VRK2: variants seen among roughly 807,000 people sequenced by gnomAD.
VRK2 encodes VRK serine/threonine kinase 2.
In VRK2, 60 loss-of-function variants were observed where a neutral mutation model predicts 57.6. The ratio of observed to expected loss-of-function variants is 1.04; its 90% CI spans 0.85 to 1.29. The LOEUF (loss-of-function observed/expected upper bound fraction) is 1.29, where lower values mean the gene tolerates loss of function less well. Ranked by LOEUF, VRK2 falls within the 50% of genes most tolerant of loss-of-function variation. The pLI, the probability that VRK2 is intolerant of heterozygous loss-of-function variation, is 0.00. For synonymous variants in VRK2, 231 were observed against 199.2 expected (o/e 1.16, Z -1.35); for missense variants, 705 against 588.1 (o/e 1.20, Z -2.06).
intron 7 of VRK2, among the ~76,000 whole-genome samples, chr2:58,114,075 A>G (rs1311275560): frequency 1.3e-5 from 2 of 152,056 alleles, no homozygotes; most frequent in East Asian, 1.9e-4. Flanking sequence ...TTGTTAGAAG[A>G]AACATTTGTC....
Position 58,158,504 on chromosome 2 carries a change from GGTA to G in VRK2, c.1183-840_1183-838del, listed in dbSNP as rs1488898439. Among the ~76,000 whole-genome samples, 14 of 152,236 alleles carry G rather than the reference GGTA, an allele frequency of 9.2e-5. No individual in the cohort carries two copies. The South Asian group carries it at 2.9e-3, about 32-fold the overall frequency. ...AGGGTGGCAGTTTAAAGGTTGAGAA[GGTA>G]GTAGCTATTCTGAGAATGATGGACA... On this transcript the variant is annotated intron_variant, in intron 12 of 12. Transcript: ENST00000340157.
chr2:58,004,536 T>C (rs1426510430), intron 1 of VRK2, among the ~76,000 whole-genome samples: 1 of 152,172 alleles, frequency 6.6e-6, no homozygotes, highest in East Asian at 1.9e-4. Flanking sequence ...TAGAGAAGTT[T>C]AAACCTGAGC....
chr2:58,100,399 T>C (rs756559625), intron 7 of VRK2, among the ~76,000 whole-genome samples: 5 of 151,978 alleles, frequency 3.3e-5, no homozygotes, highest in African/African-American at 4.8e-5. Flanking sequence ...AATAGTGTTA[T>C]ATATTTTAGC....
At chr2:58,062,053 T>C (rs990699987) in intron 2 of VRK2, among the ~76,000 whole-genome samples, 1 of 152,100 alleles carries the variant, frequency 6.6e-6, no homozygotes, top group Non-Finnish European at 1.5e-5. Flanking sequence ...ACCAAATCTA[T>C]TAGTGCTATT....
chr2:58,056,376 C>T (rs549528351), intron 2 of VRK2, among the ~76,000 whole-genome samples: 140 of 152,292 alleles, frequency 9.2e-4, no homozygotes, highest in Middle Eastern at 3.4e-3. Flanking sequence ...AAAACTGGCA[C>T]GTCCCTCTGT....
At chr2:58,045,177 A>AT (rs1333606612), upstream of VRK2, among the ~76,000 whole-genome samples, 2 of 152,212 alleles carry the variant, frequency 1.3e-5, no homozygotes, top group Non-Finnish European at 2.9e-5. Context: ...GACTAAAGGG[A>AT]TAAGAGGGTA....
chr2:58,114,308 C>T lies in VRK2; in HGVS notation c.544-8793C>T, dbSNP rs60981832. Among the ~76,000 whole-genome samples the T allele has an allele frequency of 2.7e-3, 406 of 148,748 alleles. 1 individual carries two copies. The highest frequency in any genetic ancestry group is 9.7e-3 in the African/African-American group (373 of 38,342). On this transcript the variant is annotated intron_variant, in intron 7 of 12. Transcript: ENST00000340157. ...AGTTTGGGGATAGCACCAGGAGATA[C>T]CAGCTGTGATGGCTTGGAGAAACAG...
At chr2:57,985,904 C>A (rs1424086021) in intron 1 of VRK2, among the ~76,000 whole-genome samples, 1 of 151,982 alleles carries the variant, frequency 6.6e-6, no homozygotes, top group Non-Finnish European at 1.5e-5. Flanking sequence ...TAACAATGAA[C>A]AATTGCAAAT....
At chr2:58,137,182 C>CATATATCATATATCAT in intron 10 of VRK2, among the ~76,000 whole-genome samples, 2 of 35,108 alleles carry the variant, frequency 5.7e-5, no homozygotes, top group African/African-American at 3.2e-4. Context: ...TCATATATAT[C>CATATATCATATATCAT]ATATATGATA....
chr2:58,045,256 G>A (rs1216063075), upstream of VRK2, among the ~76,000 whole-genome samples: 1 of 152,126 alleles, frequency 6.6e-6, no homozygotes, highest in Non-Finnish European at 1.5e-5. Context: ...TGCAGGTAAG[G>A]GTGCTAAGTG....
intron 12 of VRK2, among the ~76,000 whole-genome samples, chr2:58,156,579 GTTTTT>G (rs748318359): frequency 0.016 from 2,169 of 139,208 alleles, 50 homozygotes; most frequent in African/African-American, 0.068. Flanking sequence ...GGGTGGTGGT[GTTTTT>G]TTTGTTTTGT....
intron 6 of VRK2, among the ~76,000 whole-genome samples, chr2:58,089,425 C>T (rs998022402): frequency 6.6e-6 from 1 of 152,170 alleles, no homozygotes; most frequent in African/African-American, 2.4e-5. Context: ...AACTAAAATA[C>T]TTGATTTTTG....
At position 58,120,184 on chromosome 2, in the gene VRK2, C is replaced by CTTTTTTTTTTTTTTTTTT. The variant is rs397868874; in HGVS notation, c.544-2910_544-2893dup. Among the ~76,000 whole-genome samples, 141 of 51,974 alleles carry CTTTTTTTTTTTTTTTTTT rather than the reference C, an allele frequency of 2.7e-3. 11 individuals are homozygous for CTTTTTTTTTTTTTTTTTT. Among genetic ancestry groups the CTTTTTTTTTTTTTTTTTT allele is most frequent in the African/African-American group, 4.8e-3 (46 of 9,638 alleles). The allele number at this position is 51,974 out of a possible 152,430, so 34.1% of individuals were successfully genotyped here. On this transcript the variant is annotated intron_variant, in intron 7 of 12. Coordinates refer to ENST00000340157, the MANE Select transcript of VRK2 (RefSeq NM_006296.7). ...CTTTTTGTCTATTTTTTTTTCTTTT[C>CTTTTTTTTTTTTTTTTTT]TTTTTTTTTTTTTTTTTTTTTTTTG...
In VRK2 at chr2:58,007,217, C is replaced by CCTCT. The variant is rs34855177; in HGVS notation, c.-438-18428_-438-18425dup. ...TTCTCATAATAAATCTCTCTCTCTC[C>CCTCT]CTCTCTCTCTCTCTCTCTCTCTCAT... On this transcript the variant is annotated intron_variant, in intron 1 of 15. Transcript: ENST00000417641. Among the ~76,000 whole-genome samples the CCTCT allele has an allele frequency of 2.1e-3, 292 of 141,590 alleles. 1 individual carries two copies. Among genetic ancestry groups the CCTCT allele is most frequent in the African/African-American group, 6.7e-3 (259 of 38,464 alleles). 92.9% of individuals were successfully genotyped at this position (141,590 alleles called of 152,430 possible).
chr2:57,961,389 A>G (rs1165796279), intron 1 of VRK2, among the ~76,000 whole-genome samples: 1 of 152,194 alleles, frequency 6.6e-6, no homozygotes, highest in East Asian at 1.9e-4. Context: ...TGATTGAAAA[A>G]AGCGAGAACA....
chr2:58,046,106 A>G (rs971019855), upstream of VRK2, among the ~76,000 whole-genome samples: 7 of 152,140 alleles, frequency 4.6e-5, no homozygotes, highest in East Asian at 1.9e-4. Context: ...CGGCCTCCCA[A>G]CGTGCTGGGA....
chr2:58,065,112 A>G (rs1367921870), intron 2 of VRK2, among the ~76,000 whole-genome samples: 2 of 152,048 alleles, frequency 1.3e-5, no homozygotes, highest in Non-Finnish European at 2.9e-5. Flanking sequence ...AGCATATTCT[A>G]TTTTGTATTA....
intron 8 of VRK2, among the ~76,000 whole-genome samples, chr2:58,126,422 CCATT>C (rs1678360298): frequency 6.6e-6 from 1 of 152,028 alleles, no homozygotes; most frequent in African/African-American, 2.4e-5. Flanking sequence ...GTATAAGCTG[CCATT>C]CAGTCATTAC....
intron 3 of VRK2, among the ~76,000 whole-genome samples, chr2:58,039,904 TTTTTTA>T (rs958513094): frequency 3.0e-4 from 45 of 151,514 alleles, no homozygotes; most frequent in African/African-American, 6.0e-4. Context: ...TTTTTATTTA[TTTTTTA>T]TTTTTATTTT....
Sources: gnomAD v4.1 joint callset for allele counts (sites outside exome capture counted in the v4.1 genomes callset) on GRCh38, gnomAD v4.1.1 for gene constraint, MANE v1.5 for transcripts, NCBI Gene and HGNC (gene_info 2026-07-23, HGNC 2026-07-21) for gene names.